Variants in DNAH3 observed in about 807,000 individuals in gnomAD.
DNAH3 encodes axonemal beta dynein heavy chain 3.
In DNAH3, 332 loss-of-function variants were observed where a neutral mutation model predicts 432.5. That is an observed-to-expected ratio of 0.77 (90% confidence interval 0.70 to 0.84). DNAH3 has a LOEUF of 0.84. DNAH3 is among the 40% of genes least tolerant of loss of function. The pLI, the probability that DNAH3 is intolerant of heterozygous loss-of-function variation, is 0.00. For synonymous variants in DNAH3, 1,956 were observed against 1,900.2 expected (o/e 1.03, Z -0.76); for missense variants, 4,861 against 5,114.0 (o/e 0.95, Z 1.51).
At chr16:20,948,996 T>TCAA (rs1313040269) in intron 56 of DNAH3, among the ~76,000 whole-genome samples, 2 of 152,092 alleles carry the variant, frequency 1.3e-5, no homozygotes, top group African/African-American at 4.8e-5. Context: ...GAGAAGAGGC[T>TCAA]TGACTTCAGG....
At chr16:20,978,881 G>T (rs963687783) in intron 50 of DNAH3, among the ~76,000 whole-genome samples, 1 of 151,882 alleles carries the variant, frequency 6.6e-6, no homozygotes, top group Non-Finnish European at 1.5e-5. Context: ...GAGGCTCAAA[G>T]AAGTGAAATA....
chr16:21,080,584 A>G (rs561496947), intron 20 of DNAH3, among the ~76,000 whole-genome samples: 3 of 152,288 alleles, frequency 2.0e-5, no homozygotes, highest in Admixed American at 6.5e-5. Context: ...GCTGCTTTGG[A>G]CAGTGCTGAC....
chr16:20,984,173 G>GTGTT (rs1229807409), intron 48 of DNAH3, among the ~76,000 whole-genome samples: 1 of 151,606 alleles, frequency 6.6e-6, no homozygotes, highest in African/African-American at 2.4e-5. Context: ...GTGTGTGTGT[G>GTGTT]TGTGTGTATA....
exon 52 of DNAH3, chr16:20,969,797 C>G: frequency 6.2e-7 from 1 of 1,614,144 alleles, no homozygotes; most frequent in Non-Finnish European, 8.5e-7. Flanking sequence ...CTTACCGGAG[C>G]CACTGGGGTC....
intron 12 of DNAH3, among the ~76,000 whole-genome samples, chr16:21,113,146 G>A (rs1567812422): frequency 6.6e-6 from 1 of 152,028 alleles, no homozygotes; most frequent in Non-Finnish European, 1.5e-5. Flanking sequence ...GAGGGGCCAG[G>A]GGCAAAATGA....
At chr16:21,067,772 G>GAGGGGGAGGGA (rs376704368) in intron 23 of DNAH3, among the ~76,000 whole-genome samples, 1 of 23,718 alleles carries the variant, frequency 4.2e-5, no homozygotes, top group Non-Finnish European at 7.1e-5. Flanking sequence ...GGGGGGGTGG[G>GAGGGGGAGGGA]GAGGGAGAGA....
At chr16:20,935,566 T>C in intron 60 of DNAH3, 81 bp from the exon 61 acceptor site, 3 of 1,463,294 alleles carry the variant, frequency 2.1e-6, no homozygotes, top group Non-Finnish European at 2.8e-6. Context: ...ACGAGTACCA[T>C]ATAAAATATG....
rs138066589 is a variant in DNAH3, at chr16:21,031,048, T to C, written c.5436A>G (p.Lys1812=). 1,063 of 1,614,064 alleles carry C rather than the reference T, an allele frequency of 6.6e-4. 2 individuals carry two copies. Among genetic ancestry groups the C allele is most frequent in the Non-Finnish European group, 7.9e-4 (932 of 1,180,016 alleles). ...TCATATCAGGGTCAATACTTACCTT[T>C]TTATTGTCATCCAGAACAGTGTTCA... The change falls in exon 37 of 62, where the codon AAA becomes AAG. Residue 1812 remains lysine, a synonymous_variant. Transcript: ENST00000261383.
Position 20,988,083 on chromosome 16 carries a change from C to G in DNAH3, c.6602-18G>C, listed in dbSNP as rs11641129. On this transcript the variant is annotated intron_variant, in intron 44 of 61. Transcript: ENST00000261383. Reference sequence around the variant, plus strand: ...GAATCGTCCTGGGGAATACAACACACAAGTGAATCATCCTGGAAAACACAT... The same window carrying G: ...GAATCGTCCTGGGGAATACAACACAGAAGTGAATCATCCTGGAAAACACAT... 3,038 of 1,613,164 alleles carry G rather than the reference C, an allele frequency of 1.9e-3. 4 individuals are homozygous for G. The highest frequency in any genetic ancestry group is 3.0e-3 in the Admixed American group (181 of 60,010).
intron 30 of DNAH3, 52 bp downstream of exon 30, chr16:21,049,858 G>T: frequency 6.8e-7 from 1 of 1,475,186 alleles, no homozygotes; most frequent in Non-Finnish European, 9.5e-7. Context: ...CCCACAGGAG[G>T]GGTGCAGAGA....
chr16:21,081,070 A>G (rs886434022), intron 20 of DNAH3, among the ~76,000 whole-genome samples: 4 of 152,066 alleles, frequency 2.6e-5, no homozygotes, highest in African/African-American at 9.7e-5. Flanking sequence ...GGCATGTGCC[A>G]CCATGCCTGG....
At chr16:20,978,452 C>T (rs1299842491) in intron 50 of DNAH3, among the ~76,000 whole-genome samples, 2 of 152,120 alleles carry the variant, frequency 1.3e-5, no homozygotes, top group African/African-American at 4.8e-5. Context: ...TCACTTGAAC[C>T]CAGGAGGTAG....
intron 1 of DNAH3, among the ~76,000 whole-genome samples, chr16:21,146,423 G>C (rs1027010292): frequency 6.6e-6 from 1 of 152,136 alleles, no homozygotes; most frequent in Non-Finnish European, 1.5e-5. Flanking sequence ...AGGCATGGTG[G>C]CGTGTGCCTG....
intron 1 of DNAH3, among the ~76,000 whole-genome samples, chr16:21,156,928 A>G (rs2092901430): frequency 8.8e-6 from 1 of 114,184 alleles, no homozygotes. Flanking sequence ...CCCAGTGGAA[A>G]CCCTAACTCA....
At chr16:20,952,334 G>T in intron 56 of DNAH3, 99 bp downstream of exon 56, 1 of 742,402 alleles carries the variant, frequency 1.3e-6, no homozygotes, top group East Asian at 2.6e-5. Flanking sequence ...TGGTGAGGGA[G>T]GGAGGGAGTA....
At chr16:20,983,896 G>A (rs1271802350) in intron 48 of DNAH3, among the ~76,000 whole-genome samples, 5 of 151,950 alleles carry the variant, frequency 3.3e-5, no homozygotes, top group African/African-American at 4.8e-5. Context: ...GCATCGTGGT[G>A]TGTGCCTGTA....
At chr16:21,019,439 T>C (rs1390270267) in intron 41 of DNAH3, 185 bp downstream of exon 41, 1 of 709,648 alleles carries the variant, frequency 1.4e-6, no homozygotes, top group African/African-American at 1.8e-5. Context: ...GGATTACCAG[T>C]GTGAGACACC....
At position 21,127,853 on chromosome 16, in the gene DNAH3, C is replaced by T. The variant is rs371740755; in HGVS notation, c.1083-41G>A. 57 of 1,611,976 alleles carry T rather than the reference C, an allele frequency of 3.5e-5. No homozygotes were observed. The African/African-American group carries it at 6.9e-4, about 20-fold the overall frequency. On this transcript the variant is annotated intron_variant, in intron 7 of 61. Coordinates refer to ENST00000261383, the Ensembl canonical transcript of DNAH3. ...GAGAAATTTCCTAAGCTAAAGAACG[C>T]TTAATAACAAATCCCGCAGGACAGG...
chr16:21,050,036 G>T lies in DNAH3; in HGVS notation c.4239-18C>A, dbSNP rs1355802241. On this transcript the variant is annotated intron_variant, in intron 29 of 61. Transcript: ENST00000261383. The stretch of plus-strand genomic sequence containing the variant: ...TCAGTGTCCTATGGGGAAGAAAATA[G>T]AACTTCAGTGCTTGAGGTCTAAGAC... The T allele has an allele frequency of 1.9e-6, 3 of 1,559,728 alleles. No individual in the cohort carries two copies. The highest frequency in any genetic ancestry group is 2.6e-6 in the Non-Finnish European group (3 of 1,132,524).
Sources: gnomAD v4.1 joint callset for allele counts (sites outside exome capture counted in the v4.1 genomes callset) on GRCh38, gnomAD v4.1.1 for gene constraint, MANE v1.5 for transcripts, NCBI Gene and HGNC (gene_info 2026-07-23, HGNC 2026-07-21) for gene names.